ITPR1: variants seen among roughly 807,000 people sequenced by gnomAD.
ITPR1 encodes the protein inositol 1,4,5-trisphosphate-gated calcium channel ITPR1.
A neutral mutation model predicts 318.4 loss-of-function variants in ITPR1; 96 were observed. The ratio of observed to expected loss-of-function variants is 0.30; its 90% confidence interval spans 0.26 to 0.36. The LOEUF (loss-of-function observed/expected upper bound fraction) is 0.36. ITPR1 is among the 10% of genes least tolerant of loss of function. The pLI, the probability that ITPR1 is intolerant of heterozygous loss-of-function variation, is 1.00. For synonymous variants in ITPR1, 1,312 were observed against 1,289.9 expected (o/e 1.02, Z -0.37); for missense variants, 2,440 against 3,460.2 (o/e 0.71, Z 7.40).
chr3:4,505,095 G>A (rs2081307466), intron 2 of ITPR1, among the ~76,000 whole-genome samples: 2 of 152,040 alleles, frequency 1.3e-5, no homozygotes, highest in South Asian at 4.1e-4. Flanking sequence ...CCTCGGTTCT[G>A]AGGGGCCAAC....
At chr3:4,650,644 TGCGCGC>T (rs57689430) in intron 10 of ITPR1, among the ~76,000 whole-genome samples, 5 of 26,516 alleles carry the variant, frequency 1.9e-4, no homozygotes, top group South Asian at 1.7e-3. Flanking sequence ...TGTGTGTGTG[TGCGCGC>T]GTCTGTCTGT....
chr3:4,710,962 A>C lies in ITPR1; in HGVS notation c.4991+489A>C, dbSNP rs200861454. On this transcript the variant is annotated intron_variant, in intron 38 of 61. Transcript: ENST00000649015. The surrounding 1 kb of genome is among the most constrained non-coding windows in gnomAD (Gnocchi z 4.2). ...CACGGTGGCTCATGCCTGTAATCCC[A>C]GCACTTTGGGAGGCCGGGGCTGGTG... 5.3e-5 allele frequency among the ~76,000 whole-genome samples: 8 copies of C among 152,332 alleles called. No homozygotes were observed. In the East Asian group the frequency reaches 1.5e-3, roughly 29 times the overall value.
chr3:4,523,153 G>A (rs1017351589), intron 4 of ITPR1, among the ~76,000 whole-genome samples: 1 of 152,184 alleles, frequency 6.6e-6, no homozygotes, highest in African/African-American at 2.4e-5. Flanking sequence ...GGAGGGATAT[G>A]CGTCCGGAAG....
intron 12 of ITPR1, among the ~76,000 whole-genome samples, chr3:4,654,290 A>G (rs2093657785): frequency 6.6e-6 from 1 of 152,224 alleles, no homozygotes; most frequent in South Asian, 2.1e-4. Flanking sequence ...TGTGAGGTGG[A>G]TAGTGTTACT....
At chr3:4,601,574 T>C (rs1001962768) in intron 4 of ITPR1, among the ~76,000 whole-genome samples, 1 of 151,788 alleles carries the variant, frequency 6.6e-6, no homozygotes, top group Non-Finnish European at 1.5e-5. Context: ...ATCAAAGCTC[T>C]AAATATAAGA....
chr3:4,517,928 C>T (rs1310350794), intron 3 of ITPR1, among the ~76,000 whole-genome samples: 1 of 152,208 alleles, frequency 6.6e-6, no homozygotes, highest in African/African-American at 2.4e-5. Flanking sequence ...GTGCTAGGCA[C>T]TATGCTAAAT....
chr3:4,650,827 C>T (rs534341091), intron 10 of ITPR1, among the ~76,000 whole-genome samples: 7 of 152,180 alleles, frequency 4.6e-5, no homozygotes, highest in Admixed American at 2.0e-4. Context: ...ACAGGTCCTG[C>T]GTTCATGGGT....
At chr3:4,510,128 G>A (rs2081694397) in intron 2 of ITPR1, among the ~76,000 whole-genome samples, 1 of 152,196 alleles carries the variant, frequency 6.6e-6, no homozygotes, top group African/African-American at 2.4e-5. Flanking sequence ...AGGTGAGTGG[G>A]AGTTAGCCAC....
chr3:4,590,453 G>A (rs1423991809), intron 4 of ITPR1, among the ~76,000 whole-genome samples: 17 of 150,978 alleles, frequency 1.1e-4, no homozygotes, highest in Non-Finnish European at 2.5e-4. Context: ...GGCCCTGGTT[G>A]GACAGAAGCA....
chr3:4,519,685 A>T (rs1370354849), intron 3 of ITPR1, among the ~76,000 whole-genome samples: 1 of 152,122 alleles, frequency 6.6e-6, no homozygotes, highest in Non-Finnish European at 1.5e-5. Context: ...AACTCAGGCC[A>T]TTGGCTACAC....
At chr3:4,655,092 C>T (rs1017802793) in intron 12 of ITPR1, among the ~76,000 whole-genome samples, 1 of 152,174 alleles carries the variant, frequency 6.6e-6, no homozygotes, top group Non-Finnish European at 1.5e-5. Flanking sequence ...GGTAAAACTT[C>T]TCTGCATCAT....
chr3:4,661,118 G>T, intron 14 of ITPR1, 31 bp downstream of exon 14: 1 of 1,302,314 alleles, frequency 7.7e-7, no homozygotes. Context: ...GTCTCCTTTT[G>T]GTCTCGTGTT....
chr3:4,611,260 A>T (rs766108994), intron 4 of ITPR1, among the ~76,000 whole-genome samples: 1 of 145,574 alleles, frequency 6.9e-6, no homozygotes, highest in Admixed American at 6.9e-5. Flanking sequence ...AAAACTATAT[A>T]TGTACAAAAA....
intron 4 of ITPR1, among the ~76,000 whole-genome samples, chr3:4,600,765 G>A (rs1019437620): frequency 3.3e-5 from 5 of 151,964 alleles, no homozygotes; most frequent in African/African-American, 7.3e-5. Context: ...ATTTCCTGTC[G>A]CTCTAAAATT....
intron 5 of ITPR1, among the ~76,000 whole-genome samples, chr3:4,630,532 GT>G (rs11370167): frequency 2.1e-5 from 3 of 145,434 alleles, no homozygotes; most frequent in Non-Finnish European, 4.5e-5. Flanking sequence ...GATTTTTAAA[GT>G]TTTTTTTTTA....
chr3:4,631,049 TTGACG>T (rs1431061912), intron 5 of ITPR1, among the ~76,000 whole-genome samples: 1 of 152,244 alleles, frequency 6.6e-6, no homozygotes, highest in African/African-American at 2.4e-5. Context: ...TTGTTACAAC[TTGACG>T]TGAATATGTG....
At chr3:4,554,643 T>C (rs2085940303) in intron 4 of ITPR1, among the ~76,000 whole-genome samples, 1 of 152,060 alleles carries the variant, frequency 6.6e-6, no homozygotes. Context: ...AGAGAGCAGA[T>C]GGGCAGAGAC....
At chr3:4,749,141 A>G (rs1038723384) in intron 44 of ITPR1, 1 of 152,236 alleles carries the variant, frequency 6.6e-6, no homozygotes, top group African/African-American at 2.4e-5. Flanking sequence ...GTAACCTTGA[A>G]TACTAATTCG....
intron 40 of ITPR1, among the ~76,000 whole-genome samples, chr3:4,721,186 A>G (rs2042137295): frequency 7.0e-6 from 1 of 143,586 alleles, no homozygotes; most frequent in Non-Finnish European, 1.5e-5. Context: ...ATATATATAT[A>G]TATATATATA....
Sources: gnomAD v4.1 joint callset for allele counts (sites outside exome capture counted in the v4.1 genomes callset) on GRCh38, gnomAD v4.1.1 for gene constraint, Gnocchi (gnomAD v3.1) non-coding constraint, MANE v1.5 for transcripts, NCBI Gene and HGNC (gene_info 2026-07-23, HGNC 2026-07-21) for gene names.